Variants in KCNN2 observed in about 807,000 individuals in gnomAD.
The protein encoded by KCNN2 is potassium calcium-activated channel subfamily N member 2, also known as small conductance calcium-activated potassium channel protein 2.
Under a neutral mutation model 55.5 loss-of-function variants are expected in KCNN2, and 24 were observed. That is an observed-to-expected ratio of 0.43 (90% CI 0.31 to 0.61). The LOEUF (loss-of-function observed/expected upper bound fraction) is 0.61, where lower values mean the gene tolerates loss of function less well. KCNN2 is among the 20% of genes least tolerant of loss of function. The probability of loss-of-function intolerance (pLI) is 0.08; values close to 1 mark genes in which losing one functional copy is unlikely to be tolerated. For missense variants in KCNN2, 754 were observed against 853.6 expected (o/e 0.88, Z 1.45); for synonymous variants, 431 against 336.1 (o/e 1.28, Z -3.09).
intron 1 of KCNN2, among the ~76,000 whole-genome samples, chr5:114,127,458 T>A (rs1395245896): frequency 6.6e-6 from 1 of 152,130 alleles, no homozygotes. Context: ...CACCTTGGCG[T>A]CTTTTAGCCA....
intron 1 of KCNN2, among the ~76,000 whole-genome samples, chr5:114,131,005 T>C (rs1217287774): frequency 3.3e-5 from 5 of 152,190 alleles, no homozygotes; most frequent in African/African-American, 1.2e-4. Flanking sequence ...AAAAATAAAA[T>C]GTGAACATCC....
chr5:114,146,373 C>A (rs1205419957), intron 1 of KCNN2, among the ~76,000 whole-genome samples: 1 of 151,990 alleles, frequency 6.6e-6, no homozygotes, highest in Non-Finnish European at 1.5e-5. Flanking sequence ...TAAGGAATAC[C>A]AGTAATATGT....
chr5:114,192,720 A>G (rs531600077), intron 1 of KCNN2, among the ~76,000 whole-genome samples: 79 of 152,254 alleles, frequency 5.2e-4, no homozygotes, highest in African/African-American at 1.8e-3. Context: ...TGCTTATATC[A>G]TGAGCCATGA....
chr5:114,312,903 G>T (rs1427071409), intron 2 of KCNN2, among the ~76,000 whole-genome samples: 1 of 152,050 alleles, frequency 6.6e-6, no homozygotes, highest in Non-Finnish European at 1.5e-5. Context: ...GAAAACACAA[G>T]TTGTCAGTAA....
intron 2 of KCNN2, among the ~76,000 whole-genome samples, chr5:114,347,646 T>C (rs1225439236): frequency 6.6e-6 from 1 of 152,242 alleles, no homozygotes; most frequent in East Asian, 1.9e-4. Flanking sequence ...CTTTTTCCAT[T>C]GTCTATGTGA....
chr5:114,381,467 G>A (rs984226130), intron 2 of KCNN2, among the ~76,000 whole-genome samples: 2 of 152,140 alleles, frequency 1.3e-5, no homozygotes, highest in Non-Finnish European at 2.9e-5. Context: ...GTAATTTTAG[G>A]AGAGCCATGA....
chr5:114,161,774 T>G (rs1399070701), intron 1 of KCNN2, among the ~76,000 whole-genome samples: 1 of 152,238 alleles, frequency 6.6e-6, no homozygotes, highest in African/African-American at 2.4e-5. Context: ...GCCTATACCC[T>G]TTCTTCCAGT....
At chr5:114,262,097 A>G (rs981395636) in intron 2 of KCNN2, among the ~76,000 whole-genome samples, 36 of 152,280 alleles carry the variant, frequency 2.4e-4, no homozygotes, top group East Asian at 1.9e-4. Context: ...CTCATGTGTC[A>G]ATTTATATTT....
At chr5:114,123,157 A>C (rs1751858711) in intron 1 of KCNN2, among the ~76,000 whole-genome samples, 1 of 152,114 alleles carries the variant, frequency 6.6e-6, no homozygotes, top group South Asian at 2.1e-4. Flanking sequence ...TTTTTTGCCC[A>C]GATATCTTAT....
intron 2 of KCNN2, among the ~76,000 whole-genome samples, chr5:114,397,795 A>G (rs1758665688): frequency 6.6e-6 from 1 of 151,832 alleles, no homozygotes; most frequent in Admixed American, 6.6e-5. Flanking sequence ...GATGATGAAC[A>G]TTTTTTCATA....
intron 2 of KCNN2, among the ~76,000 whole-genome samples, chr5:114,310,841 T>C (rs917133532): frequency 6.6e-6 from 1 of 152,086 alleles, no homozygotes; most frequent in Admixed American, 6.6e-5. Context: ...TCTAGTAAAA[T>C]GTTCTGTTTT....
At chr5:114,423,971 G>C (rs1759544251) in intron 3 of KCNN2, among the ~76,000 whole-genome samples, 1 of 152,176 alleles carries the variant, frequency 6.6e-6, no homozygotes, top group Admixed American at 6.5e-5. Context: ...TCCAAGTGAA[G>C]AATTTATGAA....
chr5:114,216,318 G>T (rs547852684), intron 1 of KCNN2, among the ~76,000 whole-genome samples: 2 of 152,226 alleles, frequency 1.3e-5, no homozygotes, highest in African/African-American at 4.8e-5. Flanking sequence ...TTAACATATG[G>T]CTCTGCAATC....
At chr5:114,314,950 C>T (rs931038134) in intron 2 of KCNN2, among the ~76,000 whole-genome samples, 1 of 152,174 alleles carries the variant, frequency 6.6e-6, no homozygotes, top group Non-Finnish European at 1.5e-5. Flanking sequence ...GAGCATGTCA[C>T]TGAGGCTAGT....
chr5:114,087,122 A>G (rs763005790), intron 1 of KCNN2, among the ~76,000 whole-genome samples: 1 of 151,578 alleles, frequency 6.6e-6, no homozygotes, highest in Non-Finnish European at 1.5e-5. Context: ...AAATGGATTT[A>G]TTTGTTTGTT....
chr5:114,495,039 C>T (rs1302278602), intron 7 of KCNN2, among the ~76,000 whole-genome samples: 1 of 152,110 alleles, frequency 6.6e-6, no homozygotes. Context: ...CTGTCTAGCT[C>T]TGAGCTGATC....
At chr5:114,329,265 C>A (rs1034724378) in intron 2 of KCNN2, among the ~76,000 whole-genome samples, 7 of 152,312 alleles carry the variant, frequency 4.6e-5, no homozygotes, top group African/African-American at 1.7e-4. Context: ...TTGAAGGATG[C>A]AAAGCATTGT....
chr5:114,475,201 A>C (rs1164170833), intron 5 of KCNN2, among the ~76,000 whole-genome samples: 1 of 152,044 alleles, frequency 6.6e-6, no homozygotes, highest in Non-Finnish European at 1.5e-5. Context: ...CATTTGGGAG[A>C]CATTCCAAGT....
chr5:114,100,325 G>T (rs2112568137), intron 1 of KCNN2, among the ~76,000 whole-genome samples: 1 of 152,084 alleles, frequency 6.6e-6, no homozygotes, highest in East Asian at 1.9e-4. Flanking sequence ...TTCCCTTAGT[G>T]GAATATATTT....
Sources: allele counts gnomAD v4.1 joint callset (sites outside exome capture counted in the v4.1 genomes callset), GRCh38; gene constraint gnomAD v4.1.1; transcripts MANE v1.5; gene names NCBI Gene and HGNC (gene_info 2026-07-23, HGNC 2026-07-21).